The following PRKCZ variants were observed in gnomAD, a reference collection of about 807,000 sequenced individuals.
The protein encoded by PRKCZ is protein kinase C zeta, also known as protein kinase C zeta type.
PRKCZ carries 33 observed loss-of-function variants against 79.5 expected under a neutral mutation model. That is an observed-to-expected ratio of 0.41 (90% CI 0.31 to 0.55). The LOEUF (loss-of-function observed/expected upper bound fraction) is 0.55. PRKCZ is among the 20% of genes least tolerant of loss of function. PRKCZ has a pLI of 0.19. For missense variants in PRKCZ, 578 were observed against 813.5 expected, an observed-to-expected ratio of 0.71 and a Z score of 3.52; for synonymous variants, 342 against 320.9, an observed-to-expected ratio of 1.07 and a Z score of -0.70.
At chr1:2,176,060 G>A (rs1685440047) in intron 16 of PRKCZ, among the ~76,000 whole-genome samples, 1 of 152,206 alleles carries the variant, frequency 6.6e-6, no homozygotes, top group Non-Finnish European at 1.5e-5. Context: ...GAGTGAGTCT[G>A]TGGACAGGGT....
At chr1:2,108,743 G>A (rs1023041383) in intron 4 of PRKCZ, among the ~76,000 whole-genome samples, 2 of 152,242 alleles carry the variant, frequency 1.3e-5, no homozygotes, top group Non-Finnish European at 2.9e-5. Flanking sequence ...TGTCCGTCTT[G>A]CCTGGGCAGA....
At chr1:2,068,977 C>T (rs1661343180) in intron 4 of PRKCZ, among the ~76,000 whole-genome samples, 1 of 152,196 alleles carries the variant, frequency 6.6e-6, no homozygotes, top group African/African-American at 2.4e-5. Context: ...AGCCTCCCCT[C>T]AGAGTTGGGG....
chr1:2,075,802 G>A lies in PRKCZ; in HGVS notation c.334+16211G>A. Among the ~76,000 whole-genome samples, 1 of 152,228 alleles carries A rather than the reference G, an allele frequency of 6.6e-6. No individual in the cohort carries two copies. The highest frequency in any genetic ancestry group is 2.4e-5 in the African/African-American group (1 of 41,444). On this transcript the variant is annotated intron_variant, in intron 4 of 17. Transcript: ENST00000378567. This position sits in a 1 kb window ranked among gnomAD's most constrained non-coding sequence, Gnocchi z 4.8. ...CGGGGTCTGGTGGGGACCTGCCAGGGCTGTCAATGGCCCCAGTGGAGAGGC... is the reference window on the plus strand; with the variant it reads ...CGGGGTCTGGTGGGGACCTGCCAGGACTGTCAATGGCCCCAGTGGAGAGGC...
At chr1:2,098,907 T>G (rs575398396) in intron 4 of PRKCZ, among the ~76,000 whole-genome samples, 1 of 152,282 alleles carries the variant, frequency 6.6e-6, no homozygotes, top group African/African-American at 2.4e-5. Flanking sequence ...GGTCTTGATT[T>G]CCTGACCTCG....
chr1:2,147,026 C>T (rs1678694776), intron 7 of PRKCZ, among the ~76,000 whole-genome samples: 2 of 152,348 alleles, frequency 1.3e-5, no homozygotes, highest in Non-Finnish European at 2.9e-5. Context: ...AGCCAGCCAT[C>T]CTCCACCCAC....
chr1:2,112,646 C>G (rs985070507), intron 4 of PRKCZ, among the ~76,000 whole-genome samples: 2 of 151,660 alleles, frequency 1.3e-5, no homozygotes, highest in African/African-American at 4.8e-5. Flanking sequence ...TTGAAACTTG[C>G]TGGAGTTGCA....
chr1:2,167,746 A>C (rs981443312), intron 10 of PRKCZ, among the ~76,000 whole-genome samples: 1 of 152,118 alleles, frequency 6.6e-6, no homozygotes, highest in Non-Finnish European at 1.5e-5. Flanking sequence ...CTGAGATTAC[A>C]GGTGCACACC....
intron 4 of PRKCZ, among the ~76,000 whole-genome samples, chr1:2,101,550 C>T (rs746522385): frequency 3.9e-5 from 6 of 152,192 alleles, no homozygotes; most frequent in African/African-American, 7.2e-5. Flanking sequence ...TACTCAGCTG[C>T]GGAGACCATC....
At chr1:2,144,650 C>T (rs1294381944) in intron 6 of PRKCZ, 2 of 1,180,606 alleles carry the variant, frequency 1.7e-6, no homozygotes, top group East Asian at 5.3e-5. Flanking sequence ...AGTCTTGAAC[C>T]AGCTCTTAAG....
At chr1:2,096,656 C>T (rs961846729) in intron 4 of PRKCZ, among the ~76,000 whole-genome samples, 1 of 152,088 alleles carries the variant, frequency 6.6e-6, no homozygotes, top group Non-Finnish European at 1.5e-5. Flanking sequence ...TGCCATGGTC[C>T]GGAGCGGCCC....
intron 16 of PRKCZ, among the ~76,000 whole-genome samples, chr1:2,180,924 A>T (rs1686479626): frequency 6.6e-6 from 1 of 152,102 alleles, no homozygotes; most frequent in South Asian, 2.1e-4. Context: ...TGGCTCCAGG[A>T]TGTTTCCATG....
At chr1:2,166,400 C>T (rs1254843459) in intron 10 of PRKCZ, among the ~76,000 whole-genome samples, 2 of 152,202 alleles carry the variant, frequency 1.3e-5, no homozygotes, top group Non-Finnish European at 2.9e-5. Context: ...GCCTGAGTGA[C>T]AGAGTGAGAT....
intron 16 of PRKCZ, among the ~76,000 whole-genome samples, chr1:2,181,271 T>TCCCCAGGCTCCAGCCCTCACCTC (rs1686559122): frequency 6.6e-6 from 1 of 151,942 alleles, no homozygotes. Flanking sequence ...AGCTGTGCCC[T>TCCCCAGGCTCCAGCCCTCACCTC]CCCCAGGCTC....
At position 2,172,448 on chromosome 1, in the gene PRKCZ, T is replaced by C; in HGVS notation, c.1285+60T>C. 6.5e-7 allele frequency: 1 copy of C among 1,530,568 alleles called. No homozygotes were observed. Among genetic ancestry groups the C allele is most frequent in the Non-Finnish European group, 8.9e-7 (1 of 1,129,646 alleles). The allele number at this position is 1,530,568 out of a possible 1,614,324, so 94.8% of individuals were successfully genotyped here. On this transcript the variant is annotated intron_variant, in intron 13 of 17. Coordinates refer to ENST00000378567, the MANE Select transcript of PRKCZ (RefSeq NM_002744.6). This position sits in a 1 kb window ranked among gnomAD's most constrained non-coding sequence, Gnocchi z 7.8. ...ACAGGGCCAGAGATGGCTTCGGGCC[T>C]GGCCCAGCAGCCAGGGAGAGGTGTC...
intron 16 of PRKCZ, among the ~76,000 whole-genome samples, chr1:2,176,986 A>G (rs561594756): frequency 6.6e-6 from 1 of 152,340 alleles, no homozygotes; most frequent in Non-Finnish European, 1.5e-5. Context: ...TCACCTTCGC[A>G]AATTCTTCAT....
At chr1:2,056,778 G>T (rs2803314) in intron 3 of PRKCZ, among the ~76,000 whole-genome samples, 17,941 of 149,146 alleles carry the variant, frequency 0.12, 3,619 homozygotes, top group African/African-American at 0.42. Context: ...GCCCAGGCTG[G>T]AGTGCAGTGG....
At chr1:2,100,563 A>G (rs894689442) in intron 4 of PRKCZ, among the ~76,000 whole-genome samples, 5 of 152,206 alleles carry the variant, frequency 3.3e-5, no homozygotes, top group South Asian at 4.1e-4. Context: ...ACTTATGGGT[A>G]CCTTGCAAGT....
chr1:2,076,853 C>T (rs530194134), intron 4 of PRKCZ, among the ~76,000 whole-genome samples: 1 of 152,276 alleles, frequency 6.6e-6, no homozygotes, highest in East Asian at 1.9e-4. Context: ...GTCACTCATA[C>T]AGGAGACGCT....
Position 2,172,256 on chromosome 1 carries a change from G to C in PRKCZ, c.1198-45G>C. The C allele has an allele frequency of 6.2e-7, 1 of 1,613,430 alleles. No homozygotes were observed. The highest frequency in any genetic ancestry group is 8.5e-7 in the Non-Finnish European group (1 of 1,179,996). On this transcript the variant is annotated intron_variant, in intron 12 of 17. Coordinates refer to ENST00000378567, the MANE Select transcript of PRKCZ (RefSeq NM_002744.6). This position sits in a 1 kb window ranked among gnomAD's most constrained non-coding sequence, Gnocchi z 7.8. ...GCGTCTCGGGGCGCCTGTCCCGCGG[G>C]GTAGTGTCTACAAGAACCCTCTCCC...
Sources: gnomAD v4.1 joint callset for allele counts (sites outside exome capture counted in the v4.1 genomes callset) on GRCh38, gnomAD v4.1.1 for gene constraint, Gnocchi (gnomAD v3.1) non-coding constraint, MANE v1.5 for transcripts, NCBI Gene and HGNC (gene_info 2026-07-23, HGNC 2026-07-21) for gene names.